TCF7L1: variants seen among roughly 807,000 people sequenced by gnomAD.
The protein encoded by TCF7L1 is transcription factor 7 like 1, also known as transcription factor 7-like 1.
Under a neutral mutation model 63.7 loss-of-function variants are expected in TCF7L1, and 18 were observed. The ratio of observed to expected loss-of-function variants is 0.28; its 90% CI spans 0.20 to 0.42. The LOEUF (loss-of-function observed/expected upper bound fraction) is 0.42, where lower values mean the gene tolerates loss of function less well. Ranked by LOEUF, TCF7L1 falls within the 10% of genes least tolerant of loss-of-function variation. The probability of loss-of-function intolerance (pLI) is 1.00; values close to 1 mark genes in which losing one functional copy is unlikely to be tolerated. For missense variants in TCF7L1, 654 were observed against 779.3 expected (o/e 0.84, Z 1.91); for synonymous variants, 355 against 340.9 (o/e 1.04, Z -0.46).
rs1682212930 is a variant in TCF7L1 at position 85,309,123 on chromosome 2, G to A, written c.1428G>A (p.Leu476=). The stretch of plus-strand genomic sequence containing the variant: ...CTGCCTCCTCCCACGGGAGCATGCT[G>A]GACTCCCCGGCCACTCCCTCTGCAG... ...DSPASSHGSM[L]DSPATPSAAL... The change falls in exon 12 of 12, where the codon CTG becomes CTA. Residue 476 remains leucine, a synonymous_variant. Coordinates refer to ENST00000282111, the MANE Select transcript of TCF7L1 (RefSeq NM_031283.3). The A allele has an allele frequency of 4.3e-6, 7 of 1,611,938 alleles. No homozygotes were observed. The Admixed American group carries it at 6.7e-5, about 15-fold the overall frequency.
chr2:85,261,162 G>A (rs1680850018), intron 3 of TCF7L1, among the ~76,000 whole-genome samples: 1 of 150,566 alleles, frequency 6.6e-6, no homozygotes, highest in Non-Finnish European at 1.5e-5. Context: ...GTGTGTGTGT[G>A]TGTGTGTGTG....
intron 3 of TCF7L1, among the ~76,000 whole-genome samples, chr2:85,277,557 G>T (rs529930399): frequency 3.3e-5 from 5 of 152,302 alleles, no homozygotes; most frequent in Admixed American, 3.3e-4. Flanking sequence ...CAGAGAGGCA[G>T]GAAGGACCGG....
chr2:85,133,793 G>C lies in TCF7L1; in HGVS notation c.109G>C (p.Glu37Gln), dbSNP rs1401924140. The C allele has an allele frequency of 7.2e-7, 1 of 1,386,460 alleles. No individual in the cohort carries two copies. Among genetic ancestry groups the C allele is most frequent in the Non-Finnish European group, 9.4e-7 (1 of 1,064,196 alleles). The allele number at this position is 1,386,460 out of a possible 1,614,324, so 85.9% of individuals were successfully genotyped here. A position where few individuals can be genotyped will look rare whatever the true frequency, so the allele number is the denominator to read the frequency against. ...AGGGGACGACCTCGGGGCGAACGACGAGCTGATCCCCTTCCAGGACGAGGG... is the reference window on the plus strand; with the variant it reads ...AGGGGACGACCTCGGGGCGAACGACCAGCTGATCCCCTTCCAGGACGAGGG... ...GGGDDLGAND[E>Q]LIPFQDEGGE... The change falls in exon 1 of 12, where the codon GAG (glutamate) becomes CAG (glutamine). Residue 37 changes from glutamate to glutamine, a missense_variant. This residue lies in a region of TCF7L1 where 404 missense variants were observed against 454.8 expected (regional missense o/e 0.89). Coordinates refer to ENST00000282111, the MANE Select transcript of TCF7L1 (RefSeq NM_031283.3). This position sits in a 1 kb window ranked among gnomAD's most constrained non-coding sequence, Gnocchi z 4.4.
chr2:85,159,089 G>A (rs1265765512), intron 3 of TCF7L1, among the ~76,000 whole-genome samples: 1 of 152,202 alleles, frequency 6.6e-6, no homozygotes, highest in Non-Finnish European at 1.5e-5. Flanking sequence ...GGACAGTGCG[G>A]TTCAGCCTTC....
chr2:85,218,819 A>G (rs1485353366), intron 3 of TCF7L1, among the ~76,000 whole-genome samples: 1 of 152,110 alleles, frequency 6.6e-6, no homozygotes, highest in Non-Finnish European at 1.5e-5. Context: ...GGAAAATATG[A>G]GAAGTAATAA....
At chr2:85,280,561 G>A (rs1411034439) in intron 3 of TCF7L1, among the ~76,000 whole-genome samples, 1 of 152,188 alleles carries the variant, frequency 6.6e-6, no homozygotes, top group Non-Finnish European at 1.5e-5. Flanking sequence ...GCAGATGCTG[G>A]TAGAGTTGAT....
At chr2:85,147,568 G>C (rs551534369) in intron 3 of TCF7L1, among the ~76,000 whole-genome samples, 78 of 152,208 alleles carry the variant, frequency 5.1e-4, no homozygotes, top group African/African-American at 1.8e-3. Flanking sequence ...GGGAGCCCCA[G>C]TCCCAGAGAT....
intron 3 of TCF7L1, among the ~76,000 whole-genome samples, chr2:85,160,557 A>T (rs868462401): frequency 2.0e-5 from 3 of 152,100 alleles, no homozygotes; most frequent in Middle Eastern, 3.4e-3. Flanking sequence ...ACCTTTTTTT[A>T]AAAAAAGAAG....
At chr2:85,225,008 T>G (rs1679926512) in intron 3 of TCF7L1, among the ~76,000 whole-genome samples, 1 of 152,240 alleles carries the variant, frequency 6.6e-6, no homozygotes, top group Non-Finnish European at 1.5e-5. Flanking sequence ...GGCTAGCCAG[T>G]TTTCCCAGCA....
At chr2:85,256,344 C>T (rs975793025) in intron 3 of TCF7L1, among the ~76,000 whole-genome samples, 1 of 152,162 alleles carries the variant, frequency 6.6e-6, no homozygotes, top group Non-Finnish European at 1.5e-5. Context: ...GGAAGCTCAG[C>T]GAGGCAGTTG....
At chr2:85,248,472 T>C (rs1183420619) in intron 3 of TCF7L1, among the ~76,000 whole-genome samples, 1 of 152,154 alleles carries the variant, frequency 6.6e-6, no homozygotes, top group Non-Finnish European at 1.5e-5. Context: ...GTCTCCAAAC[T>C]AGAGCGGACA....
At chr2:85,242,149 T>G (rs932932990) in intron 3 of TCF7L1, among the ~76,000 whole-genome samples, 1 of 152,156 alleles carries the variant, frequency 6.6e-6, no homozygotes, top group African/African-American at 2.4e-5. Context: ...AAACCAAGCA[T>G]TTACCTACAA....
At chr2:85,253,722 C>G (rs933376426) in intron 3 of TCF7L1, among the ~76,000 whole-genome samples, 1 of 152,210 alleles carries the variant, frequency 6.6e-6, no homozygotes, top group Non-Finnish European at 1.5e-5. Context: ...TTTTTACTAC[C>G]ATCGTAAGAG....
At chr2:85,252,273 T>G (rs962915488) in intron 3 of TCF7L1, among the ~76,000 whole-genome samples, 2 of 152,236 alleles carry the variant, frequency 1.3e-5, no homozygotes, top group Non-Finnish European at 2.9e-5. Context: ...GGCCTCTCAG[T>G]TGTTTTCATC....
chr2:85,229,710 T>G (rs1680032682), intron 3 of TCF7L1, among the ~76,000 whole-genome samples: 1 of 152,138 alleles, frequency 6.6e-6, no homozygotes, highest in African/African-American at 2.4e-5. Flanking sequence ...TATATCAGTT[T>G]TAAAATGTTG....
chr2:85,261,762 C>T (rs1680862056), intron 3 of TCF7L1, among the ~76,000 whole-genome samples: 1 of 151,940 alleles, frequency 6.6e-6, no homozygotes, highest in Non-Finnish European at 1.5e-5. Context: ...TGATGTGTGC[C>T]TATAGTCCCA....
intron 3 of TCF7L1, among the ~76,000 whole-genome samples, chr2:85,246,149 T>G (rs559192909): frequency 1.3e-5 from 2 of 152,332 alleles, no homozygotes; most frequent in Admixed American, 1.3e-4. Flanking sequence ...GCAAGTGAAA[T>G]CATGCATTGG....
At chr2:85,192,343 A>G (rs1572985161) in intron 3 of TCF7L1, among the ~76,000 whole-genome samples, 4 of 152,192 alleles carry the variant, frequency 2.6e-5, no homozygotes, top group Admixed American at 2.0e-4. Context: ...TGAAAACAGT[A>G]TGTATTAAAT....
intron 3 of TCF7L1, among the ~76,000 whole-genome samples, chr2:85,282,794 T>TTG (rs59628868): frequency 0.18 from 21,124 of 118,990 alleles, 1,739 homozygotes; most frequent in East Asian, 0.35. Flanking sequence ...GAGAGAGAGA[T>TTG]TGTGTGTGTG....
Sources: allele counts gnomAD v4.1 joint callset (sites outside exome capture counted in the v4.1 genomes callset), GRCh38; gene constraint gnomAD v4.1.1; regional missense constraint gnomAD v4.1.1; non-coding constraint Gnocchi (gnomAD v3.1); transcripts MANE v1.5; gene names NCBI Gene and HGNC (gene_info 2026-07-23, HGNC 2026-07-21).